DICER1: variants seen among roughly 807,000 people sequenced by gnomAD.
DICER1 encodes the protein dicer 1, ribonuclease III.
Under a neutral mutation model 194.1 loss-of-function variants are expected in DICER1, and 43 were observed. The observed-to-expected ratio is 0.22, with a 90% CI of 0.17 to 0.29. The LOEUF is 0.29. DICER1 is among the 10% of genes least tolerant of loss of function. The probability of loss-of-function intolerance (pLI) is 1.00; values close to 1 mark genes in which losing one functional copy is unlikely to be tolerated. For missense variants in DICER1, 1,608 were observed against 2,317.0 expected (o/e 0.69, Z 6.28); for synonymous variants, 832 against 820.5 (o/e 1.01, Z -0.24).
At chr14:95,116,763 T>C in intron 9 of DICER1, 68 bp from the exon 10 acceptor site, 1 of 1,483,898 alleles carries the variant, frequency 6.7e-7, no homozygotes, top group African/African-American at 1.4e-5. Context: ...AAAAAATTAG[T>C]AAAAGTAAAT....
At chr14:95,145,892 C>CA (rs988018358) in intron 1 of DICER1, among the ~76,000 whole-genome samples, 7 of 151,936 alleles carry the variant, frequency 4.6e-5, no homozygotes, top group African/African-American at 7.2e-5. Flanking sequence ...ACCACACACA[C>CA]AAAAAAAACT....
At chr14:95,129,439 C>G (rs1893755202) in intron 6 of DICER1, 33 bp downstream of exon 6, 3 of 1,606,478 alleles carry the variant, frequency 1.9e-6, no homozygotes, top group Middle Eastern at 1.8e-4. Flanking sequence ...TTCAACTAAT[C>G]TCATTAAAGC....
At chr14:95,097,529 T>A (rs897286458) in intron 22 of DICER1, among the ~76,000 whole-genome samples, 1 of 152,236 alleles carries the variant, frequency 6.6e-6, no homozygotes, top group African/African-American at 2.4e-5. Flanking sequence ...AAAGCTTATT[T>A]GTGAGTGACA....
intron 1 of DICER1, among the ~76,000 whole-genome samples, chr14:95,148,602 T>A (rs1895297002): frequency 6.6e-6 from 1 of 152,242 alleles, no homozygotes. Context: ...TAGATTTCAA[T>A]ATAATCATGC....
intron 1 of DICER1, among the ~76,000 whole-genome samples, chr14:95,135,309 A>G (rs574796073): frequency 6.6e-6 from 1 of 152,196 alleles, no homozygotes; most frequent in Non-Finnish European, 1.5e-5. Flanking sequence ...AGAAGGTACC[A>G]AGAAACAAGT....
chr14:95,103,947 G>A lies in DICER1; in HGVS notation c.3449C>T (p.Ser1150Phe), dbSNP rs1566768980. Residue 1150 changes from serine to phenylalanine, a missense_variant, in exon 21 of 27, where the codon TCT (serine) becomes TTT (phenylalanine). Transcript: ENST00000343455. ...GCTGAGCAACGTTCTGCAGTTCACA[G>A]ACATTTGGTCATGATTTTCTAGAGA... ...TSSLENHDQMSVNCRTLLSES... is the reference protein window; with the variant it reads ...TSSLENHDQMFVNCRTLLSES... The A allele has an allele frequency of 3.1e-6, 5 of 1,614,218 alleles. No homozygotes were observed. In the East Asian group the frequency reaches 1.1e-4, roughly 36 times the overall value.
At position 95,099,721 on chromosome 14, in the gene DICER1, T is replaced by C. The variant is rs554658369; in HGVS notation, c.4206+59A>G. 2,472 of 1,541,962 alleles carry C rather than the reference T, an allele frequency of 1.6e-3. 5 individuals carry two copies. Among genetic ancestry groups the C allele is most frequent in the Non-Finnish European group, 2.0e-3 (2,298 of 1,152,470 alleles). ...ATTATTTGGCTCACCGAAAAGTAAA[T>C]CCCTCCAGTTACACACACACACACA... On this transcript the variant is annotated intron_variant, in intron 22 of 26. Transcript: ENST00000343455.
rs1060503648 is a variant in DICER1, at chr14:95,096,643, C to T, written c.4277G>A (p.Ser1426Asn). The T allele has an allele frequency of 1.2e-6, 2 of 1,612,368 alleles. No homozygotes were observed. Among genetic ancestry groups the T allele is most frequent in the Non-Finnish European group, 1.7e-6 (2 of 1,179,218 alleles). Reference sequence around the variant, plus strand: ...TTCCTTCGGAGCCCTCCACATCAGGCTCTCCTCCTCCTCATCCTCCTCCTC... The same window carrying T: ...TTCCTTCGGAGCCCTCCACATCAGGTTCTCCTCCTCCTCATCCTCCTCCTC... ...DYEEEDEEEE[S>N]LMWRAPKEEA... Residue 1426 changes from serine (S) to asparagine (N), a missense_variant, in exon 23 of 27, where the codon AGC (serine) becomes AAC (asparagine). By Grantham distance (46) the Ser-to-Asn change is conservative. This residue lies in a region of DICER1 where 164 missense variants were observed against 183.7 expected (regional missense o/e 0.89). Transcript: ENST00000343455.
chr14:95,154,290 T>G (rs556866417), intron 1 of DICER1, among the ~76,000 whole-genome samples: 1 of 152,310 alleles, frequency 6.6e-6, no homozygotes, highest in East Asian at 1.9e-4. Context: ...AAACTCATAC[T>G]GCAATAAATT....
At chr14:95,111,501 G>T (rs1891958223) in intron 13 of DICER1, 45 bp from the exon 14 acceptor site, 1 of 1,600,446 alleles carries the variant, frequency 6.2e-7, no homozygotes, top group African/African-American at 1.3e-5. Context: ...GATTTTGCCT[G>T]ATTAATTAGT....
At chr14:95,133,258 T>C (rs1450128044) in intron 2 of DICER1, 57 bp downstream of exon 2, 2 of 1,580,670 alleles carry the variant, frequency 1.3e-6, no homozygotes, top group South Asian at 1.1e-5. Flanking sequence ...GTCAACTATA[T>C]GCTAATGTAT....
rs1891307778 is a variant in DICER1, at chr14:95,105,221, A to G, written c.3119T>C (p.Ile1040Thr). ...CCACAGTGATGCTGGAATTGGATGT[A>G]TAGCACAGAGTTCTGGAACCAGTAT... ...KQILVPELCAIHPIPASLWRK... is the reference protein window; with the variant it reads ...KQILVPELCATHPIPASLWRK... Residue 1040 changes from isoleucine to threonine, a missense_variant, in exon 20 of 27, where the codon ATA becomes ACA. Transcript: ENST00000343455. This position sits in a 1 kb window ranked among gnomAD's most constrained non-coding sequence, Gnocchi z 4.9. 1 of 1,614,162 alleles carries G rather than the reference A, an allele frequency of 6.2e-7. No individual in the cohort carries two copies. Among genetic ancestry groups the G allele is most frequent in the South Asian group, 1.1e-5 (1 of 91,086 alleles).
In DICER1 at chr14:95,120,536, G is replaced by A. The variant is rs140000707; in HGVS notation, c.1377-2782C>T. Among the ~76,000 whole-genome samples the A allele has an allele frequency of 5.1e-4, 77 of 152,208 alleles. 1 individual carries two copies. The East Asian group carries it at 0.014, about 27-fold the overall frequency. On this transcript the variant is annotated intron_variant, in intron 8 of 26. Coordinates refer to ENST00000343455, the MANE Select transcript of DICER1 (RefSeq NM_177438.3). ...TCCTCGGCAAAATGGCTGATTCTAG[G>A]GCCAGGCAGGGAGAAATACAAGAGC...
chr14:95,141,110 T>C (rs1749418974), intron 1 of DICER1: 1 of 152,120 alleles, frequency 6.6e-6, no homozygotes, highest in African/African-American at 2.4e-5. Flanking sequence ...ATTTCCTAAA[T>C]TCACATAAAC....
chr14:95,152,847 C>T (rs1895599712), intron 1 of DICER1, among the ~76,000 whole-genome samples: 4 of 152,162 alleles, frequency 2.6e-5, no homozygotes, highest in Admixed American at 2.6e-4. Context: ...TAATCTTTTT[C>T]TTTCTGTATT....
Position 95,115,860 on chromosome 14 carries a change from T to A in DICER1, c.1753-39A>T, listed in dbSNP as rs749541038. 1.1e-5 allele frequency: 17 copies of A among 1,604,144 alleles called. No homozygotes were observed. The Admixed American group carries it at 2.5e-4, about 24-fold the overall frequency. On this transcript the variant is annotated intron_variant, in intron 10 of 26. Coordinates refer to ENST00000343455, the MANE Select transcript of DICER1 (RefSeq NM_177438.3). ...AAACAGAACTTATGATGAAAACACA[T>A]CCTCTCTGCTGTATGCTGTCTGCCT... is the stretch of plus-strand genomic sequence containing the variant.
Position 95,104,131 on chromosome 14 carries a change from A to G in DICER1, c.3270-5T>C. On this transcript the variant is annotated splice_polypyrimidine_tract_variant and splice_region_variant and intron_variant, in intron 20 of 26. Coordinates refer to ENST00000343455, the MANE Select transcript of DICER1 (RefSeq NM_177438.3). ...CCGAAGTCTAAGTTAGGGTATCTGC[A>G]AAGACATTTTTATAACTTTACATCA... is the stretch of plus-strand genomic sequence containing the variant. 1 of 1,609,286 alleles carries G rather than the reference A, an allele frequency of 6.2e-7. No homozygotes were observed. The highest frequency in any genetic ancestry group is 1.1e-5 in the South Asian group (1 of 90,832).
intron 1 of DICER1, among the ~76,000 whole-genome samples, chr14:95,144,910 C>G (rs956397153): frequency 2.6e-5 from 4 of 152,170 alleles, no homozygotes; most frequent in Non-Finnish European, 5.9e-5. Flanking sequence ...TATCACAGCA[C>G]AGAGAGATGG....
chr14:95,109,636 G>T (rs1437293993), intron 14 of DICER1, among the ~76,000 whole-genome samples: 1 of 152,130 alleles, frequency 6.6e-6, no homozygotes, highest in Non-Finnish European at 1.5e-5. Flanking sequence ...TGGGAAAATG[G>T]GTAACATTCA....
Sources: gnomAD v4.1 joint callset for allele counts (sites outside exome capture counted in the v4.1 genomes callset) on GRCh38, gnomAD v4.1.1 for gene constraint, gnomAD v4.1.1 regional missense constraint, Gnocchi (gnomAD v3.1) non-coding constraint, MANE v1.5 for transcripts, NCBI Gene and HGNC (gene_info 2026-07-23, HGNC 2026-07-21) for gene names.